Variants in ETV5 observed in about 807,000 individuals in gnomAD.
ETV5 encodes the protein ETS translocation variant 5.
Under a neutral mutation model 70.0 loss-of-function variants are expected in ETV5, and 10 were observed. The observed-to-expected ratio is 0.14, with a 90% confidence interval of 0.09 to 0.24. The LOEUF (loss-of-function observed/expected upper bound fraction) is 0.24. Among genes scored for constraint, ETV5 ranks in the 10% least tolerant of loss-of-function variants. The pLI is 1.00. For missense variants in ETV5, 453 were observed against 651.2 expected (o/e 0.70, Z 3.31); for synonymous variants, 216 against 242.2 (o/e 0.89, Z 1.01).
Position 186,047,247 on chromosome 3 carries a change from A to G in ETV5, c.*1392T>C, listed in dbSNP as rs1250288473. On this transcript the variant is annotated 3_prime_UTR_variant, in exon 13 of 13. Coordinates refer to ENST00000306376, the MANE Select transcript of ETV5 (RefSeq NM_004454.3). ...CTTGGTTGTTTAAAACTTTTCCAATATAATACAGCAATGAGAATAATTTCT... is the reference window on the plus strand; with the variant it reads ...CTTGGTTGTTTAAAACTTTTCCAATGTAATACAGCAATGAGAATAATTTCT... 4.4e-6 allele frequency: 1 copy of G among 228,922 alleles called. No homozygotes were observed. Among genetic ancestry groups the G allele is most frequent in the Non-Finnish European group, 8.7e-6 (1 of 115,174 alleles). 14.2% of individuals were successfully genotyped at this position (228,922 alleles called of 1,614,324 possible). A position where few individuals can be genotyped will look rare whatever the true frequency, so the allele number is the denominator to read the frequency against.
Position 186,081,119 on chromosome 3 carries a change from A to C in ETV5, c.289T>G (p.Ser97Ala), listed in dbSNP as rs774972931. Residue 97 changes from serine (S) to alanine (A), a missense_variant, in exon 6 of 13, where the codon TCT becomes GCT. Around this residue, in one of 4 missense-constraint regions of ETV5, gnomAD observed 307 missense variants for 344.9 expected, o/e 0.89. Transcript: ENST00000306376. ...TCATGGCTACAAGACGACAGCTCAG[A>C]GGAGGGGCTGTGCAGCTCCCGTTTG... ...KIKRELHSPS[S>A]ELSSCSHEQA... is the part of the protein sequence containing the mutation. 2 of 1,613,882 alleles carry C rather than the reference A, an allele frequency of 1.2e-6. No homozygotes were observed. Among genetic ancestry groups the C allele is most frequent in the Admixed American group, 1.7e-5 (1 of 60,012 alleles).
intron 5 of ETV5, among the ~76,000 whole-genome samples, chr3:186,103,950 G>A (rs1468462846): frequency 6.6e-6 from 1 of 152,184 alleles, no homozygotes; most frequent in African/African-American, 2.4e-5. Flanking sequence ...TACTTAGAGA[G>A]AGACCTAAGA....
chr3:186,068,242 A>G lies in ETV5; in HGVS notation c.651-2170T>C, dbSNP rs553396524. On this transcript the variant is annotated intron_variant, in intron 7 of 12. Coordinates refer to ENST00000306376, the MANE Select transcript of ETV5 (RefSeq NM_004454.3). ...ATTTGGTTGAAAGCAACCATTAGAAATTACATAATATGTAAATATATAAGG... is the reference window on the plus strand; with the variant it reads ...ATTTGGTTGAAAGCAACCATTAGAAGTTACATAATATGTAAATATATAAGG... 5.9e-5 allele frequency among the ~76,000 whole-genome samples: 9 copies of G among 152,312 alleles called. No homozygotes were observed. In the South Asian group the frequency reaches 1.9e-3, roughly 32 times the overall value.
At chr3:186,080,964 C>T in intron 6 of ETV5, 82 bp downstream of exon 6, 1 of 1,494,626 alleles carries the variant, frequency 6.7e-7, no homozygotes, top group South Asian at 1.3e-5. Context: ...GGGTAAGTAA[C>T]ACTGGGAAGG....
At chr3:186,067,216 C>T (rs1325220113) in intron 7 of ETV5, among the ~76,000 whole-genome samples, 12 of 152,186 alleles carry the variant, frequency 7.9e-5, no homozygotes, top group African/African-American at 1.4e-4. Flanking sequence ...GGGGGGATCA[C>T]GAGGTCAAGA....
intron 5 of ETV5, among the ~76,000 whole-genome samples, chr3:186,095,759 T>C (rs1714288484): frequency 6.6e-6 from 1 of 152,372 alleles, no homozygotes; most frequent in Middle Eastern, 3.4e-3. Flanking sequence ...TAGCCCTAAC[T>C]AGCTTTTGTT....
At chr3:186,077,957 A>G (rs1432185256) in intron 7 of ETV5, 2 of 1,049,976 alleles carry the variant, frequency 1.9e-6, no homozygotes, top group African/African-American at 3.3e-5. Flanking sequence ...ATGCACAGGC[A>G]GACTTCAAGG....
intron 5 of ETV5, among the ~76,000 whole-genome samples, chr3:186,098,571 G>C (rs901742036): frequency 1.3e-5 from 2 of 152,166 alleles, no homozygotes; most frequent in African/African-American, 4.8e-5. Flanking sequence ...CATCAAAAGG[G>C]AAGAATGTGG....
At chr3:186,059,389 G>C (rs1302606291) in intron 9 of ETV5, among the ~76,000 whole-genome samples, 1 of 152,154 alleles carries the variant, frequency 6.6e-6, no homozygotes, top group Admixed American at 6.5e-5. Flanking sequence ...TGTTCTCATG[G>C]AGCCTGCATC....
At chr3:186,065,341 G>A (rs1713414846) in intron 8 of ETV5, among the ~76,000 whole-genome samples, 1 of 152,192 alleles carries the variant, frequency 6.6e-6, no homozygotes, top group African/African-American at 2.4e-5. Flanking sequence ...AAGCTTTCCA[G>A]AGGAATGCTG....
At chr3:186,093,316 T>C (rs1714228347) in intron 5 of ETV5, among the ~76,000 whole-genome samples, 1 of 152,166 alleles carries the variant, frequency 6.6e-6, no homozygotes, top group South Asian at 2.1e-4. Context: ...GTTGGGAGCA[T>C]TCTCACACTG....
chr3:186,058,617 GTGAGCAATTATAATTCCA>G (rs1406884238), intron 9 of ETV5, among the ~76,000 whole-genome samples: 1 of 152,196 alleles, frequency 6.6e-6, no homozygotes, highest in African/African-American at 2.4e-5. Flanking sequence ...GGGCACGGTG[GTGAGCAATTATAATTCCA>G]TGAGCAATTA....
chr3:186,084,182 A>C (rs945100718), intron 5 of ETV5: 6 of 449,624 alleles, frequency 1.3e-5, no homozygotes, highest in Non-Finnish European at 2.7e-5. Flanking sequence ...TGCACAGCTG[A>C]CTTGCTAAAT....
Position 186,057,389 on chromosome 3 carries a change from T to A in ETV5, c.1039+34A>T. On this transcript the variant is annotated intron_variant, in intron 10 of 12. Transcript: ENST00000306376. This position sits in a 1 kb window ranked among gnomAD's most constrained non-coding sequence, Gnocchi z 4.9. ...AGGTGTTCTGACACCTCCAAACCTC[T>A]ACCTGGCAACAAACCTTGGATGGGG... The A allele has an allele frequency of 6.2e-7, 1 of 1,612,120 alleles. No individual in the cohort carries two copies. Among genetic ancestry groups the A allele is most frequent in the Non-Finnish European group, 8.5e-7 (1 of 1,178,162 alleles).
intron 6 of ETV5, 119 bp from the exon 7 acceptor site, chr3:186,080,223 T>C (rs1713899560): frequency 1.4e-5 from 11 of 764,242 alleles, no homozygotes; most frequent in Non-Finnish European, 1.9e-5. Flanking sequence ...AGCATTAACA[T>C]AGTTAAATCG....
Position 186,105,575 on chromosome 3 carries a change from TG to T in ETV5, c.133+49del. 1.9e-6 allele frequency: 3 copies of T among 1,612,058 alleles called. No individual in the cohort carries two copies. Among genetic ancestry groups the T allele is most frequent in the Non-Finnish European group, 2.5e-6 (3 of 1,178,062 alleles). On this transcript the variant is annotated intron_variant, in intron 3 of 12. Coordinates refer to ENST00000306376, the MANE Select transcript of ETV5 (RefSeq NM_004454.3). This position sits in a 1 kb window ranked among gnomAD's most constrained non-coding sequence, Gnocchi z 4.5. ...AGACAGGGAAGAATCTACACGCTAC[TG>T]TCACTGGGAGCAGGGAAGCCACAAC... is the stretch of plus-strand genomic sequence containing the variant.
chr3:186,084,282 T>TAAAAAAAAAAACAA, intron 5 of ETV5: 1 of 216,746 alleles, frequency 4.6e-6, no homozygotes, highest in Non-Finnish European at 8.9e-6. Flanking sequence ...AAAGAAATGC[T>TAAAAAAAAAAACAA]AAAAAAAAAA....
intron 5 of ETV5, chr3:186,095,253 T>C (rs1349213619): frequency 6.6e-6 from 1 of 152,186 alleles, no homozygotes; most frequent in Non-Finnish European, 1.5e-5. Context: ...GTGGATTTTA[T>C]CATGAAGGGC....
intron 5 of ETV5, among the ~76,000 whole-genome samples, chr3:186,103,882 G>A (rs1297295595): frequency 6.6e-6 from 1 of 152,208 alleles, no homozygotes; most frequent in Non-Finnish European, 1.5e-5. Flanking sequence ...TATCATTAAG[G>A]AATGTTTAGC....
Sources: allele counts gnomAD v4.1 joint callset (sites outside exome capture counted in the v4.1 genomes callset), GRCh38; gene constraint gnomAD v4.1.1; regional missense constraint gnomAD v4.1.1; non-coding constraint Gnocchi (gnomAD v3.1); transcripts MANE v1.5; gene names NCBI Gene and HGNC (gene_info 2026-07-23, HGNC 2026-07-21).